Variants in SLC1A1 observed in about 807,000 individuals in gnomAD.
SLC1A1 encodes excitatory amino acid transporter 3.
In SLC1A1, 43 loss-of-function variants were observed where a neutral mutation model predicts 53.3. The observed-to-expected ratio is 0.81, with a 90% CI of 0.63 to 1.04. The LOEUF (loss-of-function observed/expected upper bound fraction) is 1.04, where lower values mean the gene tolerates loss of function less well. Among genes scored for constraint, SLC1A1 ranks in the 50% least tolerant of loss-of-function variants. The probability of loss-of-function intolerance (pLI) is 0.00; values close to 1 mark genes in which losing one functional copy is unlikely to be tolerated. For missense variants in SLC1A1, 748 were observed against 664.9 expected (o/e 1.12, Z -1.37); for synonymous variants, 307 against 243.2 (o/e 1.26, Z -2.44).
chr9:4,577,368 T>C (rs867767178), intron 10 of SLC1A1, among the ~76,000 whole-genome samples: 1 of 152,356 alleles, frequency 6.6e-6, no homozygotes, highest in African/African-American at 2.4e-5. Context: ...CATTCCTTTA[T>C]GTTTAAACGA....
intron 1 of SLC1A1, among the ~76,000 whole-genome samples, chr9:4,493,721 T>C (rs1259945832): frequency 6.6e-6 from 1 of 152,220 alleles, no homozygotes; most frequent in Non-Finnish European, 1.5e-5. Flanking sequence ...TGATCTCATC[T>C]CTATTTCTAA....
At chr9:4,499,440 T>A (rs1563993282) in intron 1 of SLC1A1, among the ~76,000 whole-genome samples, 1 of 152,174 alleles carries the variant, frequency 6.6e-6, no homozygotes, top group Non-Finnish European at 1.5e-5. Context: ...ATTAAAGAAT[T>A]AGGAAAAGAA....
intron 1 of SLC1A1, among the ~76,000 whole-genome samples, chr9:4,501,314 C>T (rs964059689): frequency 6.6e-6 from 1 of 151,348 alleles, no homozygotes; most frequent in Non-Finnish European, 1.5e-5. Context: ...ATGTGACTCT[C>T]TGCTTGGTCT....
At chr9:4,526,071 G>A (rs977220927) in intron 1 of SLC1A1, among the ~76,000 whole-genome samples, 7 of 152,080 alleles carry the variant, frequency 4.6e-5, no homozygotes, top group African/African-American at 1.7e-4. Flanking sequence ...GGTCAGTTGA[G>A]GCCAAGAGTT....
intron 6 of SLC1A1, 125 bp from the exon 7 acceptor site, chr9:4,572,079 T>A: frequency 2.4e-6 from 2 of 818,338 alleles, no homozygotes; most frequent in Non-Finnish European, 4.2e-6. Context: ...TATAGTTTTG[T>A]TGACTCTGCC....
At chr9:4,575,517 C>T (rs1324597900) in intron 8 of SLC1A1, among the ~76,000 whole-genome samples, 2 of 152,058 alleles carry the variant, frequency 1.3e-5, no homozygotes, top group South Asian at 2.1e-4. Context: ...GAGGACTGAG[C>T]GCTGTGATAA....
At chr9:4,497,420 G>C (rs1820471734) in intron 1 of SLC1A1, among the ~76,000 whole-genome samples, 1 of 152,128 alleles carries the variant, frequency 6.6e-6, no homozygotes, top group Non-Finnish European at 1.5e-5. Flanking sequence ...GGAACCCTAA[G>C]GGAAGGACGT....
intron 1 of SLC1A1, 51 bp from the exon 2 acceptor site, chr9:4,544,516 G>A (rs1185814707): frequency 1.3e-6 from 2 of 1,550,632 alleles, no homozygotes; most frequent in African/African-American, 1.4e-5. Context: ...ATAGATACAG[G>A]AGAACTCAAT....
At chr9:4,527,581 C>T (rs1283821321) in intron 1 of SLC1A1, among the ~76,000 whole-genome samples, 2 of 152,112 alleles carry the variant, frequency 1.3e-5, no homozygotes, top group East Asian at 3.9e-4. Context: ...TCTCTTAGAG[C>T]ACAATTTTGA....
chr9:4,532,175 C>G (rs1033709998), intron 1 of SLC1A1, among the ~76,000 whole-genome samples: 10 of 152,150 alleles, frequency 6.6e-5, no homozygotes, highest in Non-Finnish European at 1.3e-4. Context: ...GAACGCAGCT[C>G]CTTACCAGCA....
chr9:4,573,103 C>G (rs1425869272), intron 7 of SLC1A1, among the ~76,000 whole-genome samples: 1 of 152,228 alleles, frequency 6.6e-6, no homozygotes, highest in Non-Finnish European at 1.5e-5. Context: ...TGCATGGGCA[C>G]TAACCCATCT....
chr9:4,497,439 C>T (rs1820472694), intron 1 of SLC1A1, among the ~76,000 whole-genome samples: 1 of 152,176 alleles, frequency 6.6e-6, no homozygotes, highest in Non-Finnish European at 1.5e-5. Flanking sequence ...GTTTGTGTTG[C>T]TCTTCTCTGT....
At chr9:4,575,569 C>T (rs1409981303) in intron 8 of SLC1A1, among the ~76,000 whole-genome samples, 2 of 151,928 alleles carry the variant, frequency 1.3e-5, no homozygotes, top group East Asian at 3.9e-4. Context: ...ATACAGGGTG[C>T]CAAGGAAGGA....
intron 1 of SLC1A1, among the ~76,000 whole-genome samples, chr9:4,495,090 C>G (rs1337867342): frequency 6.6e-6 from 1 of 152,184 alleles, no homozygotes; most frequent in Non-Finnish European, 1.5e-5. Context: ...CCTTGCCCAG[C>G]CTCGTGTCTC....
chr9:4,576,050 G>A lies in SLC1A1; in HGVS notation c.925G>A (p.Val309Ile), dbSNP rs749533772. Reference protein sequence around the residue: ...VILPLIYFIVVRKNPFRFAMG... With the variant: ...VILPLIYFIVIRKNPFRFAMG... ...TCTCCCGCTGATATATTTCATAGTC[G>A]TACGAAAGAACCCTTTCCGATTTGC... is the stretch of plus-strand genomic sequence containing the variant. The change falls in exon 9 of 12, where the codon GTA (valine) becomes ATA (isoleucine). Residue 309 changes from valine to isoleucine, a missense_variant. Transcript: ENST00000262352. 9.3e-6 allele frequency: 15 copies of A among 1,613,288 alleles called. No homozygotes were observed. The highest frequency in any genetic ancestry group is 2.2e-5 in the East Asian group (1 of 44,896).
chr9:4,542,607 T>C (rs1285462521), intron 1 of SLC1A1, among the ~76,000 whole-genome samples: 1 of 152,230 alleles, frequency 6.6e-6, no homozygotes, highest in Non-Finnish European at 1.5e-5. Flanking sequence ...GCCAAAAATT[T>C]ACTTGAAGCA....
At chr9:4,537,049 G>C (rs190136959) in intron 1 of SLC1A1, among the ~76,000 whole-genome samples, 14 of 140,560 alleles carry the variant, frequency 1.0e-4, no homozygotes, top group Non-Finnish European at 2.0e-4. Flanking sequence ...GTTGTGGAGT[G>C]GGGGGAGGAG....
chr9:4,509,691 CAAAG>C (rs968323237), intron 1 of SLC1A1, among the ~76,000 whole-genome samples: 17 of 151,998 alleles, frequency 1.1e-4, no homozygotes, highest in Non-Finnish European at 2.2e-4. Context: ...CAGAGCAGGA[CAAAG>C]AAAGACAGAG....
chr9:4,584,998 G>T (rs1212056333), intron 11 of SLC1A1, among the ~76,000 whole-genome samples: 1 of 152,084 alleles, frequency 6.6e-6, no homozygotes, highest in Non-Finnish European at 1.5e-5. Flanking sequence ...GGTTAGGGCT[G>T]AAAAACTTAC....
Sources: gnomAD v4.1 joint callset for allele counts (sites outside exome capture counted in the v4.1 genomes callset) on GRCh38, gnomAD v4.1.1 for gene constraint, MANE v1.5 for transcripts, NCBI Gene and HGNC (gene_info 2026-07-23, HGNC 2026-07-21) for gene names.